SMAP1: variants seen among roughly 807,000 people sequenced by gnomAD.
SMAP1 encodes the protein stromal membrane-associated protein 1.
A neutral mutation model predicts 58.5 loss-of-function variants in SMAP1; 24 were observed. The observed-to-expected ratio is 0.41, with a 90% CI of 0.30 to 0.58. SMAP1 has a LOEUF of 0.58. Among genes scored for constraint, SMAP1 ranks in the 20% least tolerant of loss-of-function variants. The probability of loss-of-function intolerance (pLI) is 0.29; values close to 1 mark genes in which losing one functional copy is unlikely to be tolerated. For synonymous variants in SMAP1, 216 were observed against 196.6 expected (o/e 1.10, Z -0.82); for missense variants, 563 against 566.3 (o/e 0.99, Z 0.06).
chr6:70,685,031 T>C (rs561116099), intron 1 of SMAP1, among the ~76,000 whole-genome samples: 1 of 152,336 alleles, frequency 6.6e-6, no homozygotes, highest in East Asian at 1.9e-4. Context: ...AATACCTGTG[T>C]CACAGGGTTG....
intron 3 of SMAP1, among the ~76,000 whole-genome samples, chr6:70,760,511 T>G (rs908722273): frequency 6.6e-6 from 1 of 152,118 alleles, no homozygotes; most frequent in South Asian, 2.1e-4. Flanking sequence ...AAAATTACCT[T>G]GGTTATTATA....
At chr6:70,700,244 C>T (rs1053818628) in intron 1 of SMAP1, among the ~76,000 whole-genome samples, 2 of 152,214 alleles carry the variant, frequency 1.3e-5, no homozygotes, top group African/African-American at 2.4e-5. Flanking sequence ...GAGGCTTCCG[C>T]AGAAGCCAAG....
intron 7 of SMAP1, among the ~76,000 whole-genome samples, chr6:70,849,765 T>C (rs1261349777): frequency 6.6e-6 from 1 of 152,228 alleles, no homozygotes; most frequent in African/African-American, 2.4e-5. Flanking sequence ...TTAAATATTT[T>C]ACAATGTATA....
intron 2 of SMAP1, among the ~76,000 whole-genome samples, chr6:70,738,497 A>T (rs1191294103): frequency 6.6e-6 from 1 of 151,094 alleles, no homozygotes; most frequent in Non-Finnish European, 1.5e-5. Context: ...TTTCTATTGT[A>T]ACCTAGTTAT....
intron 1 of SMAP1, among the ~76,000 whole-genome samples, chr6:70,701,711 G>C (rs1767636484): frequency 1.3e-5 from 2 of 152,132 alleles, no homozygotes; most frequent in South Asian, 2.1e-4. Context: ...TTCTCTCTCT[G>C]TCATACAGCT....
At chr6:70,843,985 G>C (rs1390978038) in intron 7 of SMAP1, among the ~76,000 whole-genome samples, 1 of 152,116 alleles carries the variant, frequency 6.6e-6, no homozygotes, top group African/African-American at 2.4e-5. Flanking sequence ...GACTCCTGCT[G>C]GGTTATTCCT....
At position 70,798,689 on chromosome 6, in the gene SMAP1, G is replaced by C. The variant is rs752156995; in HGVS notation, c.528G>C (p.Lys176Asn). Residue 176 changes from lysine to asparagine, a missense_variant, in exon 6 of 11, where the codon AAG (lysine) becomes AAC (asparagine). Around this residue, in one of 3 missense-constraint regions of SMAP1, gnomAD observed 494 missense variants for 473.8 expected, o/e 1.04. Transcript: ENST00000370455. ...KEKEKKKEEK[K>N]REKEPEKPAK... Reference sequence around the variant, plus strand: ...AGGAAAAAAAAAAGGAAGAGAAAAAGAGAGAAAAGGAGCCAGAAAAGCCGG... The same window carrying C: ...AGGAAAAAAAAAAGGAAGAGAAAAACAGAGAAAAGGAGCCAGAAAAGCCGG... 18 of 1,550,052 alleles carry C rather than the reference G, an allele frequency of 1.2e-5. No individual in the cohort carries two copies. Among genetic ancestry groups the C allele is most frequent in the Non-Finnish European group, 1.3e-5 (15 of 1,149,330 alleles).
chr6:70,843,059 A>T (rs1368100680), intron 7 of SMAP1, among the ~76,000 whole-genome samples: 1 of 151,998 alleles, frequency 6.6e-6, no homozygotes, highest in Admixed American at 6.6e-5. Flanking sequence ...AAGCGCCCAG[A>T]TGGGGCTTTG....
intron 6 of SMAP1, among the ~76,000 whole-genome samples, chr6:70,835,387 C>A (rs1304684664): frequency 6.6e-6 from 1 of 151,970 alleles, no homozygotes; most frequent in Non-Finnish European, 1.5e-5. Context: ...TAACGTATCT[C>A]TAATAGCTAA....
At chr6:70,803,245 C>T (rs1768947497) in intron 6 of SMAP1, among the ~76,000 whole-genome samples, 1 of 152,026 alleles carries the variant, frequency 6.6e-6, no homozygotes, top group Admixed American at 6.6e-5. Flanking sequence ...GTGTATGTGT[C>T]CAGCAATTTA....
intron 6 of SMAP1, among the ~76,000 whole-genome samples, chr6:70,802,123 G>A (rs1268224041): frequency 2.6e-5 from 4 of 152,122 alleles, no homozygotes; most frequent in South Asian, 4.1e-4. Flanking sequence ...CCATTTTCAC[G>A]ATATTAATTC....
intron 6 of SMAP1, among the ~76,000 whole-genome samples, chr6:70,820,374 CTA>C (rs1311878345): frequency 6.6e-6 from 1 of 152,028 alleles, no homozygotes; most frequent in Non-Finnish European, 1.5e-5. Context: ...ATTGTGATAA[CTA>C]TGGTATGCCT....
intron 3 of SMAP1, 60 bp downstream of exon 3, chr6:70,755,125 A>G: frequency 7.8e-7 from 1 of 1,290,268 alleles, no homozygotes; most frequent in Admixed American, 1.9e-5. Flanking sequence ...TTTACAGTTC[A>G]TATTTTATCT....
intron 6 of SMAP1, among the ~76,000 whole-genome samples, chr6:70,818,676 A>C (rs1427011872): frequency 1.3e-5 from 2 of 152,040 alleles, no homozygotes; most frequent in Non-Finnish European, 2.9e-5. Context: ...GGGGGATGCT[A>C]AATTTGTGGT....
intron 3 of SMAP1, among the ~76,000 whole-genome samples, chr6:70,768,644 C>T (rs1420182919): frequency 6.6e-6 from 1 of 151,978 alleles, no homozygotes; most frequent in African/African-American, 2.4e-5. Context: ...TCTCTCTTTT[C>T]TTGTTTATTA....
chr6:70,669,828 T>G (rs1766191015), intron 1 of SMAP1, among the ~76,000 whole-genome samples: 1 of 152,268 alleles, frequency 6.6e-6, no homozygotes, highest in Admixed American at 6.5e-5. Flanking sequence ...TCTACAGACT[T>G]TATTAAAAAT....
chr6:70,738,092 C>T (rs1011912491), intron 2 of SMAP1, among the ~76,000 whole-genome samples: 2 of 152,118 alleles, frequency 1.3e-5, no homozygotes, highest in Non-Finnish European at 2.9e-5. Context: ...GGGACAACCA[C>T]CTGGAATCGT....
intron 10 of SMAP1, chr6:70,859,776 A>G (rs1771622867): frequency 5.7e-6 from 1 of 175,154 alleles, no homozygotes. Context: ...TGACCACTTT[A>G]AAAATATTTA....
chr6:70,722,865 A>G (rs565545649), intron 1 of SMAP1, among the ~76,000 whole-genome samples: 36 of 152,310 alleles, frequency 2.4e-4, no homozygotes, highest in African/African-American at 8.2e-4. Context: ...CGGTAAACCC[A>G]CAACCTTCAG....
Sources: allele counts gnomAD v4.1 joint callset (sites outside exome capture counted in the v4.1 genomes callset), GRCh38; gene constraint gnomAD v4.1.1; regional missense constraint gnomAD v4.1.1; transcripts MANE v1.5; gene names NCBI Gene and HGNC (gene_info 2026-07-23, HGNC 2026-07-21).